Variants in SIDT2 observed in about 807,000 individuals in gnomAD.
The protein encoded by SIDT2 is SID1 transmembrane family member 2.
A neutral mutation model predicts 114.4 loss-of-function variants in SIDT2; 68 were observed. The ratio of observed to expected loss-of-function variants is 0.59; its 90% CI spans 0.49 to 0.73. The LOEUF is 0.73. SIDT2 is among the 30% of genes least tolerant of loss of function. SIDT2 has a pLI of 0.00. For missense variants in SIDT2, 918 were observed against 1,097.1 expected (o/e 0.84, Z 2.31); for synonymous variants, 470 against 438.4 (o/e 1.07, Z -0.90).
At chr11:117,182,343 G>A in intron 4 of SIDT2, 176 bp from the exon 5 acceptor site, 1 of 709,988 alleles carries the variant, frequency 1.4e-6, no homozygotes, top group Admixed American at 2.6e-5. Context: ...GAGGTTGAAG[G>A]GAATGGTATA....
In SIDT2 at chr11:117,179,352, A is replaced by G. The variant is rs2134245432; in HGVS notation, c.89A>G (p.Gln30Arg). The change falls in exon 1 of 26, where the codon CAG becomes CGG. Residue 30 changes from glutamine to arginine, a missense_variant. This residue lies in a region of SIDT2 where 553 missense variants were observed against 600.1 expected (regional missense o/e 0.92). Transcript: ENST00000324225. Reference protein sequence around the residue: ...LGVLGPKNVSQKDAEFERTYV... With the variant: ...LGVLGPKNVSRKDAEFERTYV... ...GTTCTGGGGCCCAAGAACGTCTCGCAGAAAGACGCCGAGTTTGAGCGCACC... is the reference window on the plus strand; with the variant it reads ...GTTCTGGGGCCCAAGAACGTCTCGCGGAAAGACGCCGAGTTTGAGCGCACC... 1 of 1,614,192 alleles carries G rather than the reference A, an allele frequency of 6.2e-7. No homozygotes were observed. The highest frequency in any genetic ancestry group is 1.3e-5 in the African/African-American group (1 of 75,050).
rs532654425 is a variant in SIDT2 at position 117,192,556 on chromosome 11, A to G, written c.1982-18A>G. The G allele has an allele frequency of 5.0e-6, 8 of 1,606,006 alleles. No individual in the cohort carries two copies. Among genetic ancestry groups the G allele is most frequent in the Non-Finnish European group, 6.8e-6 (8 of 1,179,820 alleles). On this transcript the variant is annotated intron_variant, in intron 20 of 25. Coordinates refer to ENST00000324225, the MANE Select transcript of SIDT2 (RefSeq NM_001040455.2). The surrounding 1 kb of genome is among the most constrained non-coding windows in gnomAD (Gnocchi z 5.9). ...AGGGTGCCCCGTGCCTGTCAGCACC[A>G]CTCCCTTCTCTTCGCAGACTCGGGG...
intron 22 of SIDT2, 65 bp from the exon 23 acceptor site, chr11:117,193,083 AGGCAG>A: frequency 6.6e-7 from 1 of 1,506,176 alleles, no homozygotes; most frequent in South Asian, 1.1e-5. Flanking sequence ...AAACATGCCT[AGGCAG>A]GGCAGGAAGA....
chr11:117,191,852 G>T (rs2030711602), intron 18 of SIDT2, 26 bp from the exon 19 acceptor site: 1 of 1,610,614 alleles, frequency 6.2e-7, no homozygotes. Flanking sequence ...CATTTCTGCA[G>T]CTCCCTTCCG....
intron 1 of SIDT2, chr11:117,179,745 G>T: frequency 3.4e-6 from 1 of 291,954 alleles, no homozygotes; most frequent in Non-Finnish European, 6.4e-6. Flanking sequence ...CTAAACCCCA[G>T]AATCTGACAG....
rs752320473 is a variant in SIDT2, at chr11:117,191,903, C to T, written c.1761C>T (p.Ala587=). 137 of 1,613,968 alleles carry T rather than the reference C, an allele frequency of 8.5e-5. No individual in the cohort carries two copies. Among genetic ancestry groups the T allele is most frequent in the East Asian group, 2.7e-4 (12 of 44,892 alleles). The change falls in exon 19 of 26, where the codon GCC becomes GCT. Residue 587 remains alanine (A), a synonymous_variant. Coordinates refer to ENST00000324225, the MANE Select transcript of SIDT2 (RefSeq NM_001040455.2). ...QFDTSFMYMI[A]GLCMLKLYQK... is the part of the protein sequence containing the mutation. ...ACACATCGTTCATGTACATGATCGC[C>T]GGACTCTGCATGCTGAAGCTCTACC...
chr11:117,194,176 G>T, intron 24 of SIDT2: 2 of 468,310 alleles, frequency 4.3e-6, no homozygotes, highest in South Asian at 2.6e-5. Flanking sequence ...TTAGCCTGGC[G>T]TGGTGGTATT....
intron 4 of SIDT2, 104 bp downstream of exon 4, chr11:117,182,209 T>C (rs1565284371): frequency 1.5e-6 from 2 of 1,336,926 alleles, no homozygotes; most frequent in Non-Finnish European, 2.1e-6. Context: ...TTGGCTGTTT[T>C]CTCCATGGAG....
chr11:117,190,539 T>C lies in SIDT2; in HGVS notation c.1618-84T>C, dbSNP rs2030662299. On this transcript the variant is annotated intron_variant, in intron 17 of 25. Coordinates refer to ENST00000324225, the MANE Select transcript of SIDT2 (RefSeq NM_001040455.2). This position sits in a 1 kb window ranked among gnomAD's most constrained non-coding sequence, Gnocchi z 4.1. ...TACCCCACCCCTTTTCCTCTTCCAC[T>C]CCTCTTAGGGTCCCTCTTTTGGGTC... 1.8e-6 allele frequency: 2 copies of C among 1,121,258 alleles called. No homozygotes were observed. The highest frequency in any genetic ancestry group is 1.2e-6 in the Non-Finnish European group (1 of 801,940). The allele number at this position is 1,121,258 out of a possible 1,614,324, so 69.5% of individuals were successfully genotyped here. A position where few individuals can be genotyped will look rare whatever the true frequency, so the allele number is the denominator to read the frequency against.
intron 1 of SIDT2, among the ~76,000 whole-genome samples, chr11:117,180,638 C>T (rs945681434): frequency 6.7e-6 from 1 of 149,286 alleles, no homozygotes; most frequent in Non-Finnish European, 1.5e-5. Context: ...CCGGTTCAAG[C>T]GATTCTCCTG....
chr11:117,190,797 C>G lies in SIDT2; in HGVS notation c.1735+57C>G. On this transcript the variant is annotated intron_variant, in intron 18 of 25. Transcript: ENST00000324225. The surrounding 1 kb of genome is among the most constrained non-coding windows in gnomAD (Gnocchi z 4.1). ...CCTACAGCAGGGACCTGCCTGAGTC[C>G]TTCACTATCCCCAAGTCACCCACAG... The G allele has an allele frequency of 7.3e-7, 1 of 1,375,218 alleles. No individual in the cohort carries two copies. The highest frequency in any genetic ancestry group is 1.0e-6 in the Non-Finnish European group (1 of 963,880). The allele number at this position is 1,375,218 out of a possible 1,614,324, so 85.2% of individuals were successfully genotyped here.
chr11:117,180,990 C>G (rs961285786), intron 1 of SIDT2, among the ~76,000 whole-genome samples: 2 of 152,220 alleles, frequency 1.3e-5, no homozygotes, highest in Non-Finnish European at 2.9e-5. Context: ...CTAGAGCTTC[C>G]TGCTGGCTTC....
At position 117,190,608 on chromosome 11, in the gene SIDT2, C is replaced by T. The variant is rs778798763; in HGVS notation, c.1618-15C>T. 7 of 1,558,388 alleles carry T rather than the reference C, an allele frequency of 4.5e-6. No individual in the cohort carries two copies. Among genetic ancestry groups the T allele is most frequent in the Non-Finnish European group, 8.7e-7 (1 of 1,147,434 alleles). ...TCACTTCCTCCCTCCCTTCCCTTCT[C>T]TCTCTCCCCAACAGGAATGTGGGAT... On this transcript the variant is annotated splice_polypyrimidine_tract_variant and intron_variant, in intron 17 of 25. Transcript: ENST00000324225. This position sits in a 1 kb window ranked among gnomAD's most constrained non-coding sequence, Gnocchi z 4.1.
At chr11:117,179,591 C>T (rs1207722416) in intron 1 of SIDT2, 145 bp downstream of exon 1, 2 of 747,332 alleles carry the variant, frequency 2.7e-6, no homozygotes, top group East Asian at 2.8e-5. Flanking sequence ...ACTGGAGCCT[C>T]TTGACCAGTC....
chr11:117,179,291 G>A lies in SIDT2; in HGVS notation c.28G>A (p.Val10Met), dbSNP rs61729992. The A allele has an allele frequency of 1.2e-3, 1,947 of 1,613,856 alleles. 13 individuals are homozygous for A. The African/African-American group carries it at 0.022, about 18-fold the overall frequency. Residue 10 changes from valine (V) to methionine (M), a missense_variant, in exon 1 of 26, where the codon GTG becomes ATG. This residue lies in a region of SIDT2 where 553 missense variants were observed against 600.1 expected (regional missense o/e 0.92). Coordinates refer to ENST00000324225, the MANE Select transcript of SIDT2 (RefSeq NM_001040455.2). ...GTTCGCTCTGGGCTTGCCCTTCTTGGTGCTCTTGGTGGCCTCGGTCGAGAG... is the reference window on the plus strand; with the variant it reads ...GTTCGCTCTGGGCTTGCCCTTCTTGATGCTCTTGGTGGCCTCGGTCGAGAG... The part of the protein sequence containing the change: MFALGLPFL[V>M]LLVASVESHL...
chr11:117,192,128 CTGAGATGCCTTCCT>C lies in SIDT2; in HGVS notation c.1872+115_1873-112del. 3 of 1,556,344 alleles carry C rather than the reference CTGAGATGCCTTCCT, an allele frequency of 1.9e-6. No individual in the cohort carries two copies. The highest frequency in any genetic ancestry group is 2.6e-6 in the Non-Finnish European group (3 of 1,140,136). On this transcript the variant is annotated intron_variant, in intron 19 of 25. Transcript: ENST00000324225. The surrounding 1 kb of genome is among the most constrained non-coding windows in gnomAD (Gnocchi z 5.9). ...TGCATGAGAGATTCCTGCTCCTTCCCTGAGATGCCTTCCTGGGCCCCTCTCAGAGTCCCAGCCTG... is the reference window on the plus strand; with the variant it reads ...TGCATGAGAGATTCCTGCTCCTTCCCGGGCCCCTCTCAGAGTCCCAGCCTG...
chr11:117,179,232 ACCACCGCTG>A lies in SIDT2; in HGVS notation c.-27_-19del, dbSNP rs2030161433. The A allele has an allele frequency of 3.8e-6, 6 of 1,595,614 alleles. No individual in the cohort carries two copies. Among genetic ancestry groups the A allele is most frequent in the Non-Finnish European group, 5.1e-6 (6 of 1,172,508 alleles). On this transcript the variant is annotated 5_prime_UTR_variant, in exon 1 of 26. Transcript: ENST00000324225. ...GTCTCCTGTCGCCGCCGCCGCCGCCACCACCGCTGCCACTGCCGCCCTGCCGGGGCCATG... is the reference window on the plus strand; with the variant it reads ...GTCTCCTGTCGCCGCCGCCGCCGCCACCACTGCCGCCCTGCCGGGGCCATG...
chr11:117,189,500 C>G, intron 15 of SIDT2, 99 bp downstream of exon 15: 1 of 1,319,596 alleles, frequency 7.6e-7, no homozygotes, highest in Non-Finnish European at 1.1e-6. Context: ...ATCACAGGAC[C>G]TGGGTTCAGA....
intron 24 of SIDT2, 97 bp downstream of exon 24, chr11:117,194,060 C>G (rs11605883): frequency 0.08 from 75,791 of 950,378 alleles, 4,343 homozygotes; most frequent in African/African-American, 0.26. Context: ...AATCCCAGCA[C>G]TTTGGGAAGC....
Sources: gnomAD v4.1 joint callset for allele counts (sites outside exome capture counted in the v4.1 genomes callset) on GRCh38, gnomAD v4.1.1 for gene constraint, gnomAD v4.1.1 regional missense constraint, Gnocchi (gnomAD v3.1) non-coding constraint, MANE v1.5 for transcripts, NCBI Gene and HGNC (gene_info 2026-07-23, HGNC 2026-07-21) for gene names.